The following TNFSF4 variants were observed in gnomAD, a reference collection of about 807,000 sequenced individuals.
The protein encoded by TNFSF4 is tumor necrosis factor ligand superfamily member 4.
TNFSF4 carries 4 observed loss-of-function variants against 7.3 expected under a neutral mutation model. The ratio of observed to expected loss-of-function variants is 0.55; its 90% CI spans 0.27 to 1.25. The LOEUF (loss-of-function observed/expected upper bound fraction) is 1.25. Ranked by LOEUF, TNFSF4 falls within the 50% of genes most tolerant of loss-of-function variation. The pLI is 0.12. For synonymous variants in TNFSF4, 76 were observed against 83.7 expected (o/e 0.91, Z 0.50); for missense variants, 181 against 208.8 (o/e 0.87, Z 0.82).
chr1:173,332,857 T>C, the TNFSF4 span, among the ~76,000 whole-genome samples: 8 of 152,068 alleles, frequency 5.3e-5, no homozygotes, highest in Non-Finnish European at 1.0e-4. Context: ...AAAAAATAAA[T>C]AAATACATAA....
the TNFSF4 span, among the ~76,000 whole-genome samples, chr1:173,296,282 A>T: frequency 6.6e-6 from 1 of 152,040 alleles, no homozygotes. Context: ...ATTGCAAATG[A>T]CATGTCTCAT....
chr1:173,315,140 T>C, the TNFSF4 span, among the ~76,000 whole-genome samples: 1 of 152,212 alleles, frequency 6.6e-6, no homozygotes, highest in African/African-American at 2.4e-5. Flanking sequence ...AAGTCTTCTC[T>C]GTGCTCTTCA....
chr1:173,205,193 A>AT (rs989528209), intron 1 of TNFSF4: 270 of 1,229,446 alleles, frequency 2.2e-4, no homozygotes, highest in South Asian at 5.6e-4. Flanking sequence ...AAAGAAATCT[A>AT]TTTTCAGAGT....
chr1:173,239,964 T>C, the TNFSF4 span, among the ~76,000 whole-genome samples: 2 of 151,994 alleles, frequency 1.3e-5, no homozygotes, highest in Admixed American at 1.3e-4. Context: ...CTGGGAGGTG[T>C]AGGCTGCAGT....
At chr1:173,234,136 A>T in the TNFSF4 span, among the ~76,000 whole-genome samples, 2 of 152,272 alleles carry the variant, frequency 1.3e-5, no homozygotes, top group Non-Finnish European at 2.9e-5. Context: ...AAGTTGGCGA[A>T]GGATATGAAC....
chr1:173,272,270 C>A, the TNFSF4 span, among the ~76,000 whole-genome samples: 1 of 152,014 alleles, frequency 6.6e-6, no homozygotes, highest in African/African-American at 2.4e-5. Flanking sequence ...GTGCAGCACA[C>A]CAACATGGCA....
the TNFSF4 span, among the ~76,000 whole-genome samples, chr1:173,215,127 A>G: frequency 6.6e-6 from 1 of 152,142 alleles, no homozygotes; most frequent in East Asian, 1.9e-4. Context: ...AGAAGAAAAG[A>G]CACCAGAGAC....
chr1:173,449,935 C>T, the TNFSF4 span, among the ~76,000 whole-genome samples: 3 of 152,030 alleles, frequency 2.0e-5, no homozygotes, highest in East Asian at 5.8e-4. Context: ...TATTAGAAGA[C>T]CAGAACTCAA....
the TNFSF4 span, among the ~76,000 whole-genome samples, chr1:173,234,593 C>T: frequency 2.4e-4 from 37 of 152,076 alleles, no homozygotes; most frequent in Non-Finnish European, 4.3e-4. Flanking sequence ...GGCACATATA[C>T]CCCATGGAAT....
At chr1:173,413,627 C>T in the TNFSF4 span, among the ~76,000 whole-genome samples, 3 of 152,168 alleles carry the variant, frequency 2.0e-5, no homozygotes, top group Admixed American at 1.3e-4. Flanking sequence ...GTCAGAGGAG[C>T]GAGCAGCAGC....
At chr1:173,405,700 A>G in the TNFSF4 span, among the ~76,000 whole-genome samples, 57 of 152,370 alleles carry the variant, frequency 3.7e-4, no homozygotes, top group African/African-American at 1.3e-3. Flanking sequence ...AGATTGGCAC[A>G]ATGAAGTTGT....
chr1:173,297,381 C>G, the TNFSF4 span, among the ~76,000 whole-genome samples: 3 of 152,046 alleles, frequency 2.0e-5, no homozygotes, highest in African/African-American at 7.2e-5. Context: ...TCAAGTTTCA[C>G]AGTCATTGCT....
At chr1:173,249,099 TA>T in the TNFSF4 span, among the ~76,000 whole-genome samples, 1 of 152,062 alleles carries the variant, frequency 6.6e-6, no homozygotes, top group African/African-American at 2.4e-5. Context: ...CGACAAGACT[TA>T]ATTAAGTAGA....
the TNFSF4 span, among the ~76,000 whole-genome samples, chr1:173,358,748 T>C: frequency 0.046 from 7,051 of 152,302 alleles, 246 homozygotes; most frequent in Non-Finnish European, 0.074. Flanking sequence ...TTTACTCATA[T>C]CTAATAATAT....
chr1:173,434,634 G>T, the TNFSF4 span, among the ~76,000 whole-genome samples: 5 of 152,322 alleles, frequency 3.3e-5, no homozygotes, highest in African/African-American at 1.2e-4. Context: ...TGAGGGTCAT[G>T]AAATGGGAGT....
At chr1:173,199,919 T>C (rs1270858754) in intron 1 of TNFSF4, among the ~76,000 whole-genome samples, 2 of 152,246 alleles carry the variant, frequency 1.3e-5, no homozygotes, top group African/African-American at 4.8e-5. Flanking sequence ...TCAGGTCCTC[T>C]TTCTCTTGTA....
chr1:173,349,492 C>G, the TNFSF4 span, among the ~76,000 whole-genome samples: 3 of 152,176 alleles, frequency 2.0e-5, no homozygotes, highest in Admixed American at 6.5e-5. Context: ...TGCACTTCAG[C>G]TCTACAATAA....
At chr1:173,204,407 T>C (rs977508966) in intron 1 of TNFSF4, among the ~76,000 whole-genome samples, 4 of 152,124 alleles carry the variant, frequency 2.6e-5, no homozygotes, top group African/African-American at 9.7e-5. Context: ...ATTTCCTGCA[T>C]GTAGATAGAC....
the TNFSF4 span, among the ~76,000 whole-genome samples, chr1:173,313,273 T>C: frequency 1.3e-5 from 2 of 152,126 alleles, no homozygotes; most frequent in South Asian, 2.1e-4. Context: ...TGATGTTTTA[T>C]ATGGATATAT....
Sources: gnomAD v4.1 joint callset for allele counts (sites outside exome capture counted in the v4.1 genomes callset) on GRCh38, gnomAD v4.1.1 for gene constraint, MANE v1.5 for transcripts, NCBI Gene and HGNC (gene_info 2026-07-23, HGNC 2026-07-21) for gene names.